Variants in CNTNAP2 observed in about 807,000 individuals in gnomAD.
The protein encoded by CNTNAP2 is contactin-associated protein-like 2.
CNTNAP2 carries 98 observed loss-of-function variants against 155.2 expected under a neutral mutation model. The observed-to-expected ratio is 0.63, with a 90% CI of 0.54 to 0.75. CNTNAP2 has a LOEUF of 0.75. Among genes scored for constraint, CNTNAP2 ranks in the 30% least tolerant of loss-of-function variants. The probability of loss-of-function intolerance (pLI) is 0.00; values close to 1 mark genes in which losing one functional copy is unlikely to be tolerated. For synonymous variants in CNTNAP2, 651 were observed against 631.2 expected (o/e 1.03, Z -0.47); for missense variants, 1,727 against 1,688.1 (o/e 1.02, Z -0.40).
At chr7:146,505,558 G>A (rs1371792456) in intron 1 of CNTNAP2, among the ~76,000 whole-genome samples, 2 of 152,060 alleles carry the variant, frequency 1.3e-5, no homozygotes, top group Admixed American at 1.3e-4. Flanking sequence ...TCCTTCCCTG[G>A]CCATTCCCCT....
intron 12 of CNTNAP2, among the ~76,000 whole-genome samples, chr7:147,617,486 G>A (rs534351481): frequency 2.0e-5 from 3 of 152,088 alleles, no homozygotes; most frequent in African/African-American, 7.2e-5. Context: ...TATGTAATAG[G>A]CTATACATTG....
chr7:147,808,063 C>T (rs1798122157), intron 13 of CNTNAP2, among the ~76,000 whole-genome samples: 1 of 152,054 alleles, frequency 6.6e-6, no homozygotes, highest in African/African-American at 2.4e-5. Context: ...TGTCTGGGAC[C>T]TTGGCACTGA....
chr7:147,156,713 A>G (rs947868950), intron 8 of CNTNAP2, among the ~76,000 whole-genome samples: 2 of 152,146 alleles, frequency 1.3e-5, no homozygotes, highest in East Asian at 3.9e-4. Flanking sequence ...AAGATTTTTT[A>G]TTTGGGACAG....
intron 2 of CNTNAP2, among the ~76,000 whole-genome samples, chr7:146,821,953 C>T (rs933939250): frequency 1.3e-5 from 2 of 151,450 alleles, no homozygotes; most frequent in Non-Finnish European, 2.9e-5. Context: ...ACCATTTGAC[C>T]CAGCCATCCC....
intron 8 of CNTNAP2, among the ~76,000 whole-genome samples, chr7:147,149,095 C>G (rs187311690): frequency 1.2e-4 from 18 of 152,168 alleles, no homozygotes; most frequent in Non-Finnish European, 2.4e-4. Flanking sequence ...TATTTGACCC[C>G]GCACACATCC....
chr7:146,357,232 CAAAAAA>C (rs71525940), intron 1 of CNTNAP2, among the ~76,000 whole-genome samples: 5 of 98,504 alleles, frequency 5.1e-5, no homozygotes, highest in African/African-American at 1.1e-4. Context: ...TACAGTGCTC[CAAAAAA>C]AAAAAAAAAA....
chr7:147,171,395 T>C (rs1468428810), intron 8 of CNTNAP2, among the ~76,000 whole-genome samples: 1 of 152,116 alleles, frequency 6.6e-6, no homozygotes, highest in Non-Finnish European at 1.5e-5. Flanking sequence ...ACTCCTCTCC[T>C]GAAAAGAAAA....
At chr7:148,201,595 G>A (rs890968929) in intron 18 of CNTNAP2, among the ~76,000 whole-genome samples, 7 of 152,062 alleles carry the variant, frequency 4.6e-5, no homozygotes, top group African/African-American at 1.7e-4. Context: ...CAAATAGTTG[G>A]TTTCCCTAAT....
chr7:147,017,453 A>C (rs1468856012), intron 3 of CNTNAP2, among the ~76,000 whole-genome samples: 1 of 152,094 alleles, frequency 6.6e-6, no homozygotes, highest in African/African-American at 2.4e-5. Flanking sequence ...TATATGCTAT[A>C]ACTGCCTACC....
intron 13 of CNTNAP2, among the ~76,000 whole-genome samples, chr7:147,880,507 T>C (rs947362136): frequency 6.6e-6 from 1 of 151,884 alleles, no homozygotes; most frequent in Non-Finnish European, 1.5e-5. Flanking sequence ...CTGTGTCTAC[T>C]GAAGGCCTGA....
intron 1 of CNTNAP2, among the ~76,000 whole-genome samples, chr7:146,668,092 G>T (rs1800230149): frequency 6.6e-6 from 1 of 152,008 alleles, no homozygotes; most frequent in Non-Finnish European, 1.5e-5. Flanking sequence ...TCTTTGGTGT[G>T]ATGTTAATTG....
At chr7:146,832,652 A>G (rs1300973150) in intron 2 of CNTNAP2, among the ~76,000 whole-genome samples, 1 of 148,926 alleles carries the variant, frequency 6.7e-6, no homozygotes, top group Non-Finnish European at 1.5e-5. Context: ...TATACACTGT[A>G]TAATTTATAA....
chr7:146,420,271 C>G (rs1442335310), intron 1 of CNTNAP2, among the ~76,000 whole-genome samples: 2 of 152,034 alleles, frequency 1.3e-5, no homozygotes, highest in Admixed American at 1.3e-4. Context: ...CACCTTCAAG[C>G]TTGAGAGTCT....
intron 1 of CNTNAP2, among the ~76,000 whole-genome samples, chr7:146,736,418 T>C (rs76549804): frequency 2.6e-5 from 4 of 152,152 alleles, no homozygotes; most frequent in Admixed American, 6.5e-5. Context: ...CTGTGAGGAT[T>C]TGAGGATTGA....
intron 11 of CNTNAP2, among the ~76,000 whole-genome samples, chr7:147,544,795 C>A (rs909431881): frequency 1.3e-5 from 2 of 152,006 alleles, no homozygotes; most frequent in African/African-American, 4.8e-5. Context: ...ATAAGTCTCA[C>A]GAGATCTGAT....
chr7:147,178,637 G>C (rs1278715108), intron 8 of CNTNAP2, among the ~76,000 whole-genome samples: 1 of 152,118 alleles, frequency 6.6e-6, no homozygotes, highest in Non-Finnish European at 1.5e-5. Context: ...TATGCCCTAG[G>C]AATGGCTACC....
chr7:146,320,518 G>T (rs901376730), intron 1 of CNTNAP2, among the ~76,000 whole-genome samples: 1 of 152,110 alleles, frequency 6.6e-6, no homozygotes, highest in Non-Finnish European at 1.5e-5. Context: ...TCATGTTACG[G>T]TTACAATGTG....
intron 11 of CNTNAP2, among the ~76,000 whole-genome samples, chr7:147,541,861 G>A (rs992217251): frequency 6.6e-6 from 1 of 152,124 alleles, no homozygotes; most frequent in Admixed American, 6.5e-5. Context: ...AATCATTAGC[G>A]ATTTAGGTGA....
intron 13 of CNTNAP2, among the ~76,000 whole-genome samples, chr7:147,677,472 T>C (rs1795887666): frequency 6.6e-6 from 1 of 152,020 alleles, no homozygotes; most frequent in South Asian, 2.1e-4. Flanking sequence ...GTAGGTTTTC[T>C]CTTTACTCTG....
Sources: allele counts gnomAD v4.1 joint callset (sites outside exome capture counted in the v4.1 genomes callset), GRCh38; gene constraint gnomAD v4.1.1; transcripts MANE v1.5; gene names NCBI Gene and HGNC (gene_info 2026-07-23, HGNC 2026-07-21).